SPACDR: variants seen among roughly 807,000 people sequenced by gnomAD.
The protein encoded by SPACDR is sperm acrosome developmental regulator, also known as uncharacterized protein C7orf61.
At chr7:100,457,799 A>ATGTGTGTGTGTGTGTGTG in the SPACDR span, among the ~76,000 whole-genome samples, 40 of 45,788 alleles carry the variant, frequency 8.7e-4, no homozygotes, top group East Asian at 2.3e-3. Context: ...TTTTATATAT[A>ATGTGTGTGTGTGTGTGTG]TATATGTGTG....
chr7:100,456,750 C>A, the SPACDR span: 7 of 1,599,576 alleles, frequency 4.4e-6, no homozygotes, highest in African/African-American at 2.7e-5. Flanking sequence ...CTGGGGTTCC[C>A]CCTAGAGGGG....
the SPACDR span, among the ~76,000 whole-genome samples, chr7:100,457,533 G>A: frequency 1.3e-5 from 2 of 151,494 alleles, no homozygotes; most frequent in Non-Finnish European, 2.9e-5. Flanking sequence ...TGGCCAGGCT[G>A]GTCTCGAACT....
chr7:100,463,894 T>C, the SPACDR span: 8 of 1,522,058 alleles, frequency 5.3e-6, no homozygotes, highest in Admixed American at 1.9e-5. Flanking sequence ...ACCCACGCAG[T>C]AAGGGGCTGC....
At chr7:100,461,508 G>A in the SPACDR span, among the ~76,000 whole-genome samples, 1 of 151,938 alleles carries the variant, frequency 6.6e-6, no homozygotes, top group Non-Finnish European at 1.5e-5. Flanking sequence ...GAACTCCTGA[G>A]CTCAAATGAT....
At chr7:100,457,355 A>G in the SPACDR span, among the ~76,000 whole-genome samples, 1 of 151,450 alleles carries the variant, frequency 6.6e-6, no homozygotes, top group Non-Finnish European at 1.5e-5. Flanking sequence ...GTCTTGCTCT[A>G]TCACCCAGGC....
chr7:100,460,692 C>T, the SPACDR span, among the ~76,000 whole-genome samples: 1 of 151,778 alleles, frequency 6.6e-6, no homozygotes, highest in Non-Finnish European at 1.5e-5. Context: ...TCACTGCCAC[C>T]CAGGTTGGAG....
At chr7:100,463,362 C>A in the SPACDR span, 2 of 1,585,182 alleles carry the variant, frequency 1.3e-6, no homozygotes, top group Non-Finnish European at 8.6e-7. Context: ...ATGGTGCTGA[C>A]CTTCCAGCTG....
At chr7:100,459,594 C>T in the SPACDR span, among the ~76,000 whole-genome samples, 34 of 151,230 alleles carry the variant, frequency 2.2e-4, no homozygotes, top group Non-Finnish European at 1.0e-4. Flanking sequence ...CCGGCCCTGT[C>T]CTTTCCGTCT....
the SPACDR span, chr7:100,464,048 GAAGA>G: frequency 8.1e-7 from 1 of 1,229,908 alleles, no homozygotes; most frequent in Non-Finnish European, 1.1e-6. Flanking sequence ...GAAAAACACA[GAAGA>G]AAGGGCAGAG....
the SPACDR span, chr7:100,463,370 C>A: frequency 4.4e-6 from 7 of 1,590,826 alleles, no homozygotes; most frequent in Non-Finnish European, 6.0e-6. Flanking sequence ...GACCTTCCAG[C>A]TGCACATCTG....
the SPACDR span, among the ~76,000 whole-genome samples, chr7:100,458,613 T>C: frequency 6.6e-6 from 1 of 152,176 alleles, no homozygotes; most frequent in South Asian, 2.1e-4. Flanking sequence ...CTTTTAGGAT[T>C]GGTTGTTTCC....
chr7:100,460,725 A>C, the SPACDR span, among the ~76,000 whole-genome samples: 1 of 150,918 alleles, frequency 6.6e-6, no homozygotes, highest in Non-Finnish European at 1.5e-5. Context: ...AATATAGCTC[A>C]CTGTGGCCTT....
At chr7:100,457,618 CTTTTT>C in the SPACDR span, among the ~76,000 whole-genome samples, 1 of 93,526 alleles carries the variant, frequency 1.1e-5, no homozygotes, top group Admixed American at 1.2e-4. Context: ...CATGCCTGGC[CTTTTT>C]TTTTTTTTTT....
chr7:100,464,085 T>TGGGGGGG, the SPACDR span: 5 of 73,998 alleles, frequency 6.8e-5, no homozygotes, highest in Admixed American at 5.1e-4. Context: ...ACGGTGGGGG[T>TGGGGGGG]GGCGGGTGGG....
chr7:100,458,689 G>C, the SPACDR span, among the ~76,000 whole-genome samples: 1 of 152,186 alleles, frequency 6.6e-6, no homozygotes, highest in Admixed American at 6.5e-5. Context: ...ACTTTGGGAG[G>C]CCAAGGTGGG....
At chr7:100,457,141 G>A in the SPACDR span, among the ~76,000 whole-genome samples, 3 of 151,586 alleles carry the variant, frequency 2.0e-5, no homozygotes, top group Non-Finnish European at 4.4e-5. Context: ...GCCTTCTCAG[G>A]TTGCATCAAA....
At chr7:100,462,162 T>C in the SPACDR span, among the ~76,000 whole-genome samples, 1 of 152,152 alleles carries the variant, frequency 6.6e-6, no homozygotes, top group Non-Finnish European at 1.5e-5. Context: ...TGTTCATTGT[T>C]GTATCTTTAG....
chr7:100,457,803 A>ATGTGTGTGTGTGTG, the SPACDR span, among the ~76,000 whole-genome samples: 5,028 of 72,346 alleles, frequency 0.069, 298 homozygotes, highest in East Asian at 0.12. Flanking sequence ...ATATATATAT[A>ATGTGTGTGTGTGTG]TGTGTGTGTG....
the SPACDR span, among the ~76,000 whole-genome samples, chr7:100,457,850 T>C: frequency 8.1e-6 from 1 of 124,200 alleles, no homozygotes; most frequent in Non-Finnish European, 1.7e-5. Flanking sequence ...TGTATATATA[T>C]ATATATATTT....
Sources: allele counts gnomAD v4.1 joint callset (sites outside exome capture counted in the v4.1 genomes callset), GRCh38; gene constraint gnomAD v4.1.1; transcripts MANE v1.5; gene names NCBI Gene and HGNC (gene_info 2026-07-23, HGNC 2026-07-21).